The following MAP2 variants were observed in gnomAD, a reference collection of about 807,000 sequenced individuals.
MAP2 encodes the protein microtubule-associated protein 2.
Under a neutral mutation model 137.6 loss-of-function variants are expected in MAP2, and 14 were observed. That is an observed-to-expected ratio of 0.10 (90% CI 0.07 to 0.16). The LOEUF is 0.16. Ranked by LOEUF, MAP2 falls within the 10% of genes least tolerant of loss-of-function variation. The pLI, the probability that MAP2 is intolerant of heterozygous loss-of-function variation, is 1.00. For missense variants in MAP2, 2,088 were observed against 2,191.5 expected (o/e 0.95, Z 0.94); for synonymous variants, 786 against 782.3 (o/e 1.00, Z -0.08).
chr2:209,728,176 A>G (rs985454740), intron 14 of MAP2, among the ~76,000 whole-genome samples: 14 of 152,304 alleles, frequency 9.2e-5, no homozygotes, highest in African/African-American at 2.6e-4. Flanking sequence ...ACACGATTAT[A>G]TTGACACAAC....
At chr2:209,449,154 G>A (rs528381012) in intron 1 of MAP2, among the ~76,000 whole-genome samples, 1 of 152,242 alleles carries the variant, frequency 6.6e-6, no homozygotes, top group African/African-American at 2.4e-5. Context: ...AGAGGCAAAG[G>A]AAGACTCAAC....
chr2:209,465,987 C>G (rs10737939), intron 1 of MAP2, among the ~76,000 whole-genome samples: 124,276 of 152,066 alleles, frequency 0.82, 51,927 homozygotes, highest in Non-Finnish European at 0.92. Flanking sequence ...TGGAATTTGT[C>G]CTGGGCCATG....
intron 2 of MAP2, among the ~76,000 whole-genome samples, chr2:209,536,052 C>T (rs2065899548): frequency 6.6e-6 from 1 of 152,050 alleles, no homozygotes; most frequent in Non-Finnish European, 1.5e-5. Context: ...ATTATGGATA[C>T]AAATAAAATA....
At chr2:209,686,052 A>C (rs1413860736) in intron 7 of MAP2, among the ~76,000 whole-genome samples, 1 of 152,242 alleles carries the variant, frequency 6.6e-6, no homozygotes, top group African/African-American at 2.4e-5. Context: ...GGGAATTTAC[A>C]GCCCCAGAGA....
chr2:209,666,172 T>C (rs2153649783), intron 5 of MAP2, among the ~76,000 whole-genome samples: 1 of 152,300 alleles, frequency 6.6e-6, no homozygotes, highest in Non-Finnish European at 1.5e-5. Flanking sequence ...AAACTTGCTT[T>C]CCTTCGAGCT....
intron 13 of MAP2, among the ~76,000 whole-genome samples, chr2:209,723,359 C>G (rs1014544595): frequency 6.6e-6 from 1 of 152,138 alleles, no homozygotes; most frequent in Non-Finnish European, 1.5e-5. Flanking sequence ...CAGATCATAC[C>G]TAAGTACAGT....
rs766250166 is a variant in MAP2, at chr2:209,730,226, T to C, written c.5313T>C (p.Arg1771=). 23 of 1,613,950 alleles carry C rather than the reference T, an allele frequency of 1.4e-5. No homozygotes were observed. The South Asian group carries it at 2.4e-4, about 17-fold the overall frequency. ...KLNFREHAKA[R]VDHGAEIITQ... ...ACTTCAGAGAGCATGCTAAAGCCCG[T>C]GTGGACCATGGGGCTGAGATCATTA... The change falls in exon 16 of 16, where the codon CGT becomes CGC. Residue 1771 remains arginine (R), a synonymous_variant. Coordinates refer to ENST00000682079, the MANE Select transcript of MAP2 (RefSeq NM_001375505.1).
intron 11 of MAP2, among the ~76,000 whole-genome samples, chr2:209,705,012 A>T (rs1157535652): frequency 6.6e-6 from 1 of 151,786 alleles, no homozygotes; most frequent in African/African-American, 2.4e-5. Flanking sequence ...CGTCATATAC[A>T]TCAGGGTTTA....
chr2:209,588,711 T>G (rs1386023768), intron 3 of MAP2, among the ~76,000 whole-genome samples: 1 of 152,130 alleles, frequency 6.6e-6, no homozygotes, highest in Non-Finnish European at 1.5e-5. Context: ...AGGATTCTTC[T>G]GACATAGTGC....
Position 209,481,499 on chromosome 2 carries a change from G to A in MAP2, c.-221-26093G>A, listed in dbSNP as rs1012097483. Among the ~76,000 whole-genome samples, 3 of 152,166 alleles carry A rather than the reference G, an allele frequency of 2.0e-5. No individual in the cohort carries two copies. The South Asian group carries it at 6.2e-4, about 32-fold the overall frequency. On this transcript the variant is annotated intron_variant, in intron 1 of 15. Coordinates refer to ENST00000682079, the MANE Select transcript of MAP2 (RefSeq NM_001375505.1). ...CATCCTAATATGGCCTGAATTCCTAGCTGTCAACCAATCAATGTCCCCAAG... is the reference window on the plus strand; with the variant it reads ...CATCCTAATATGGCCTGAATTCCTAACTGTCAACCAATCAATGTCCCCAAG...
chr2:209,603,241 A>G (rs1369412155), intron 3 of MAP2, among the ~76,000 whole-genome samples: 2 of 152,158 alleles, frequency 1.3e-5, no homozygotes, highest in Non-Finnish European at 2.9e-5. Flanking sequence ...ACTAAATTAC[A>G]CTGTGGAATC....
intron 2 of MAP2, among the ~76,000 whole-genome samples, chr2:209,574,381 A>T (rs1029881874): frequency 2.0e-5 from 3 of 152,016 alleles, no homozygotes; most frequent in Non-Finnish European, 4.4e-5. Context: ...GCTAATCTAC[A>T]TTGTGGCAAA....
At chr2:209,481,963 T>C (rs1376597965) in intron 1 of MAP2, among the ~76,000 whole-genome samples, 1 of 152,186 alleles carries the variant, frequency 6.6e-6, no homozygotes, top group Non-Finnish European at 1.5e-5. Flanking sequence ...ATTCTCTTCA[T>C]TTATTTCAGA....
intron 1 of MAP2, among the ~76,000 whole-genome samples, chr2:209,485,581 G>T (rs528265883): frequency 6.6e-6 from 1 of 152,310 alleles, no homozygotes; most frequent in East Asian, 1.9e-4. Flanking sequence ...TTGGGAAGCA[G>T]GTGTCACGCT....
intron 4 of MAP2, among the ~76,000 whole-genome samples, chr2:209,640,800 G>A (rs1428580265): frequency 2.6e-5 from 4 of 151,418 alleles, no homozygotes; most frequent in Non-Finnish European, 4.4e-5. Flanking sequence ...CCAAAAAGCC[G>A]ATCCCACTCA....
At chr2:209,439,995 T>G (rs1222917523) in intron 1 of MAP2, among the ~76,000 whole-genome samples, 9 of 151,536 alleles carry the variant, frequency 5.9e-5, no homozygotes. Flanking sequence ...GTGTTTAGAT[T>G]TATCACTCTA....
At chr2:209,448,742 A>T (rs1311150661) in intron 1 of MAP2, among the ~76,000 whole-genome samples, 1 of 152,174 alleles carries the variant, frequency 6.6e-6, no homozygotes, top group African/African-American at 2.4e-5. Context: ...TGTGTCTCTT[A>T]TAAAAGGTTA....
intron 3 of MAP2, among the ~76,000 whole-genome samples, chr2:209,582,365 T>G (rs1450203915): frequency 6.6e-6 from 1 of 152,174 alleles, no homozygotes; most frequent in Non-Finnish European, 1.5e-5. Context: ...AGGATTTTTC[T>G]GGTTTTAGAT....
chr2:209,567,785 T>C (rs543198804), intron 2 of MAP2, among the ~76,000 whole-genome samples: 1 of 152,224 alleles, frequency 6.6e-6, no homozygotes, highest in Admixed American at 6.5e-5. Flanking sequence ...TATACATATA[T>C]AGGCATTGCT....
Sources: allele counts gnomAD v4.1 joint callset (sites outside exome capture counted in the v4.1 genomes callset), GRCh38; gene constraint gnomAD v4.1.1; transcripts MANE v1.5; gene names NCBI Gene and HGNC (gene_info 2026-07-23, HGNC 2026-07-21).